Variants in AHCTF1 observed in about 807,000 individuals in gnomAD.
AHCTF1 encodes the protein protein ELYS.
In AHCTF1, 24 loss-of-function variants were observed where a neutral mutation model predicts 248.4. That is an observed-to-expected ratio of 0.10 (90% CI 0.07 to 0.14). The LOEUF is 0.14. AHCTF1 is among the 10% of genes least tolerant of loss of function. The pLI is 1.00. For missense variants in AHCTF1, 2,206 were observed against 2,636.2 expected (o/e 0.84, Z 3.57); for synonymous variants, 786 against 929.8 (o/e 0.85, Z 2.81).
intron 26 of AHCTF1, among the ~76,000 whole-genome samples, chr1:246,866,585 G>T (rs188403784): frequency 6.6e-6 from 1 of 152,098 alleles, no homozygotes; most frequent in African/African-American, 2.4e-5. Flanking sequence ...TCAGAGTCTT[G>T]TAATGATTAT....
chr1:246,899,572 C>A, intron 10 of AHCTF1, 60 bp from the exon 11 acceptor site: 1 of 1,311,192 alleles, frequency 7.6e-7, no homozygotes, highest in Non-Finnish European at 1.1e-6. Flanking sequence ...ATTAATAGAA[C>A]AAAATTTATC....
intron 33 of AHCTF1, among the ~76,000 whole-genome samples, chr1:246,847,114 C>T (rs1161271343): frequency 6.6e-6 from 1 of 152,016 alleles, no homozygotes; most frequent in Non-Finnish European, 1.5e-5. Flanking sequence ...TGGCGAAACC[C>T]TGTCTCTACT....
chr1:246,868,588 G>C (rs1309015799), intron 24 of AHCTF1, among the ~76,000 whole-genome samples: 1 of 147,646 alleles, frequency 6.8e-6, no homozygotes, highest in African/African-American at 2.6e-5. Flanking sequence ...CTGGATTTAG[G>C]AAGTTGGGCT....
At chr1:246,904,369 C>T (rs1013940115) in intron 6 of AHCTF1, among the ~76,000 whole-genome samples, 16 of 152,204 alleles carry the variant, frequency 1.1e-4, no homozygotes, top group African/African-American at 3.9e-4. Context: ...AGTTCTATAA[C>T]ATCTCCCAGC....
rs367585265 is a variant in AHCTF1 at position 246,886,684 on chromosome 1, GC to G, written c.2472+526del. On this transcript the variant is annotated intron_variant, in intron 20 of 35. Transcript: ENST00000648844. ...GGGCCGATGGTATACAAGAGGATGT[GC>G]ATAGGGTATATGCAAATACTATGCC... 3.8e-3 allele frequency among the ~76,000 whole-genome samples: 573 copies of G among 152,230 alleles called. 5 individuals carry two copies. The highest frequency in any genetic ancestry group is 0.013 in the African/African-American group (547 of 41,548).
At chr1:246,852,765 A>T (rs1035833932) in intron 32 of AHCTF1, among the ~76,000 whole-genome samples, 4 of 151,588 alleles carry the variant, frequency 2.6e-5, no homozygotes, top group African/African-American at 4.9e-5. Context: ...TTATTTATTT[A>T]TTTTTTCCCT....
chr1:246,920,429 TGA>T (rs1666458586), intron 1 of AHCTF1, among the ~76,000 whole-genome samples: 1 of 151,978 alleles, frequency 6.6e-6, no homozygotes, highest in Admixed American at 6.6e-5. Context: ...AATGGAGCAA[TGA>T]GAGTGAATCA....
rs376540570 is a variant in AHCTF1, at chr1:246,860,871, T to C, written c.4132+28A>G. 3.1e-6 allele frequency: 5 copies of C among 1,587,324 alleles called. No individual in the cohort carries two copies. The African/African-American group carries it at 6.8e-5, about 21-fold the overall frequency. On this transcript the variant is annotated intron_variant, in intron 29 of 35. Transcript: ENST00000648844. The stretch of plus-strand genomic sequence containing the variant: ...CTTTATTGAGGGACATTAATAACAA[T>C]TTTGAGTATTCAGAAATGAGTTCTT...
At chr1:246,931,447 G>C (rs1667353343) in intron 1 of AHCTF1, 131 bp downstream of exon 1, 1 of 1,182,986 alleles carries the variant, frequency 8.5e-7, no homozygotes, top group East Asian at 3.4e-5. Flanking sequence ...GCGCACGCCC[G>C]GCCTAGGCCC....
chr1:246,848,074 C>CA (rs1660417529), intron 33 of AHCTF1, among the ~76,000 whole-genome samples: 1 of 152,074 alleles, frequency 6.6e-6, no homozygotes, highest in African/African-American at 2.4e-5. Context: ...GTTATACTAC[C>CA]AAAATCGAAG....
chr1:246,858,538 A>C (rs1011789163), intron 29 of AHCTF1, among the ~76,000 whole-genome samples: 1 of 152,160 alleles, frequency 6.6e-6, no homozygotes, highest in African/African-American at 2.4e-5. Context: ...CAAACACAAT[A>C]AAGATTTCTG....
chr1:246,867,538 G>T, intron 25 of AHCTF1, 123 bp downstream of exon 25: 2 of 1,275,482 alleles, frequency 1.6e-6, no homozygotes, highest in Non-Finnish European at 2.2e-6. Context: ...CCAACATAAA[G>T]AGTTTTTCTT....
At chr1:246,898,090 G>T in intron 12 of AHCTF1, 118 bp downstream of exon 12, 1 of 1,358,998 alleles carries the variant, frequency 7.4e-7, no homozygotes, top group Non-Finnish European at 1.0e-6. Flanking sequence ...ATCACCCAGA[G>T]TCAGCATTAC....
At chr1:246,912,885 G>C (rs531862353) in intron 4 of AHCTF1, among the ~76,000 whole-genome samples, 39 of 152,182 alleles carry the variant, frequency 2.6e-4, no homozygotes, top group Non-Finnish European at 4.3e-4. Flanking sequence ...GGCTGATAAG[G>C]CTCAAGATTT....
rs1373598726 is a variant in AHCTF1 at position 246,855,762 on chromosome 1, T to C, written c.4322A>G (p.Tyr1441Cys). 1.9e-6 allele frequency: 3 copies of C among 1,613,382 alleles called. No individual in the cohort carries two copies. Among genetic ancestry groups the C allele is most frequent in the African/African-American group, 1.3e-5 (1 of 74,898 alleles). ...GTCATTTGCTCTAATTGCAGGGGTG[T>C]AGGTTTCAACAGATGTTAATCCTTC... ...LDEGLTSVET[Y>C]TPAIRANDNK... Residue 1441 changes from tyrosine (Y) to cysteine (C), a missense_variant, in exon 31 of 36, where the codon TAC becomes TGC. By Grantham distance (194) the Tyr-to-Cys change is radical. Coordinates refer to ENST00000648844, the MANE Select transcript of AHCTF1 (RefSeq NM_001323342.2).
At chr1:246,907,790 A>G in intron 4 of AHCTF1, 32 bp from the exon 5 acceptor site, 2 of 1,580,230 alleles carry the variant, frequency 1.3e-6, no homozygotes, top group South Asian at 1.1e-5. Context: ...ATGAAGTTAA[A>G]AAACTAGAAA....
chr1:246,927,107 G>T (rs1466693837), intron 1 of AHCTF1, among the ~76,000 whole-genome samples: 1 of 152,028 alleles, frequency 6.6e-6, no homozygotes, highest in Non-Finnish European at 1.5e-5. Flanking sequence ...GAACCCGGGA[G>T]GCGGAGCTTG....
In AHCTF1 at chr1:246,904,187, T is replaced by G. The variant is rs527382500; in HGVS notation, c.882-154A>C. Among the ~76,000 whole-genome samples the G allele has an allele frequency of 3.4e-3, 463 of 134,372 alleles. 4 individuals carry two copies. The highest frequency in any genetic ancestry group is 0.014 in the African/African-American group (447 of 33,008). The allele number at this position is 134,372 out of a possible 152,430, so 88.2% of individuals were successfully genotyped here. A position where few individuals can be genotyped will look rare whatever the true frequency, so the allele number is the denominator to read the frequency against. ...TAGTTTTCGGTAATTTTTATAAAAA[T>G]GTAGTCCTTTGAAATAATAATTGAT... On this transcript the variant is annotated intron_variant, in intron 6 of 35. Coordinates refer to ENST00000648844, the MANE Select transcript of AHCTF1 (RefSeq NM_001323342.2).
chr1:246,886,375 CAT>C (rs1332907024), intron 20 of AHCTF1, among the ~76,000 whole-genome samples: 4 of 152,000 alleles, frequency 2.6e-5, no homozygotes, highest in African/African-American at 9.7e-5. Context: ...AATGATAAAA[CAT>C]AATACAAATA....
Sources: allele counts gnomAD v4.1 joint callset (sites outside exome capture counted in the v4.1 genomes callset), GRCh38; gene constraint gnomAD v4.1.1; transcripts MANE v1.5; gene names NCBI Gene and HGNC (gene_info 2026-07-23, HGNC 2026-07-21).